Variants in NDUFAF2 observed in about 807,000 individuals in gnomAD.
NDUFAF2 encodes the protein NADH:ubiquinone oxidoreductase complex assembly factor 2, also known as NADH dehydrogenase [ubiquinone] 1 alpha subcomplex assembly factor 2.
In NDUFAF2, 13 loss-of-function variants were observed where a neutral mutation model predicts 22.8. The observed-to-expected ratio is 0.57, with a 90% CI of 0.37 to 0.91. The LOEUF (loss-of-function observed/expected upper bound fraction) is 0.91. NDUFAF2 is among the 40% of genes least tolerant of loss of function. The probability of loss-of-function intolerance (pLI) is 0.01; values close to 1 mark genes in which losing one functional copy is unlikely to be tolerated. For synonymous variants in NDUFAF2, 53 were observed against 64.2 expected (o/e 0.83, Z 0.84); for missense variants, 162 against 195.2 (o/e 0.83, Z 1.01).
intron 3 of NDUFAF2, among the ~76,000 whole-genome samples, chr5:61,101,078 CT>C (rs1270641549): frequency 1.3e-5 from 2 of 152,114 alleles, no homozygotes; most frequent in African/African-American, 4.8e-5. Context: ...ACCACTGTAA[CT>C]TTTACACTCT....
chr5:60,960,260 A>G (rs578118424), intron 1 of NDUFAF2, among the ~76,000 whole-genome samples: 13 of 152,264 alleles, frequency 8.5e-5, no homozygotes, highest in African/African-American at 2.9e-4. Flanking sequence ...TGTCAATAAT[A>G]ACAATAATGA....
intron 1 of NDUFAF2, among the ~76,000 whole-genome samples, chr5:61,039,988 CCTT>C (rs1037028017): frequency 2.0e-5 from 3 of 152,020 alleles, no homozygotes; most frequent in Non-Finnish European, 4.4e-5. Context: ...GACTTTAAAA[CCTT>C]CTTAAGAAGT....
chr5:60,977,562 G>A (rs954494241), intron 1 of NDUFAF2, among the ~76,000 whole-genome samples: 6 of 152,054 alleles, frequency 3.9e-5, no homozygotes, highest in African/African-American at 7.2e-5. Context: ...ACCAGGCCAG[G>A]TGTGGTGGCT....
rs78110464 is a variant in NDUFAF2, at chr5:61,073,390, G to C, written c.217+176G>C. On this transcript the variant is annotated intron_variant, in intron 2 of 3. Transcript: ENST00000296597. ...TTTCTTTGAAAGTTGTGAAGGTGCT[G>C]AATTTTAGTAAGCAGATGCATGTAT... Among the ~76,000 whole-genome samples, 462 of 152,270 alleles carry C rather than the reference G, an allele frequency of 3.0e-3. 1 individual carries two copies. Among genetic ancestry groups the C allele is most frequent in the Non-Finnish European group, 5.0e-3 (343 of 68,018 alleles).
intron 3 of NDUFAF2, among the ~76,000 whole-genome samples, chr5:61,150,222 G>A (rs926405971): frequency 5.9e-5 from 9 of 152,112 alleles, no homozygotes; most frequent in Non-Finnish European, 1.5e-5. Flanking sequence ...ATGAGCCACA[G>A]AACCTGGCCC....
intron 1 of NDUFAF2, among the ~76,000 whole-genome samples, chr5:60,996,482 G>A (rs907592681): frequency 3.3e-4 from 50 of 152,170 alleles, no homozygotes; most frequent in African/African-American, 1.2e-3. Context: ...GGTCTATTTT[G>A]GAGCAGGGAG....
chr5:61,096,749 A>G (rs1752646452), intron 2 of NDUFAF2, among the ~76,000 whole-genome samples: 1 of 152,028 alleles, frequency 6.6e-6, no homozygotes, highest in Non-Finnish European at 1.5e-5. Flanking sequence ...AGATCACTGA[A>G]GGTCAGGAGT....
chr5:60,958,008 C>T (rs375228991), intron 1 of NDUFAF2, among the ~76,000 whole-genome samples: 24 of 152,272 alleles, frequency 1.6e-4, no homozygotes, highest in African/African-American at 5.3e-4. Flanking sequence ...TGCTCTTAGC[C>T]TTGCTCCTCC....
intron 1 of NDUFAF2, among the ~76,000 whole-genome samples, chr5:60,980,301 CAAACT>C (rs1298099348): frequency 1.3e-5 from 2 of 152,176 alleles, no homozygotes; most frequent in Non-Finnish European, 2.9e-5. Flanking sequence ...TCTCACCAAA[CAAACT>C]AAATAAAGCA....
At chr5:61,139,826 A>G (rs1171351990) in intron 3 of NDUFAF2, among the ~76,000 whole-genome samples, 3 of 152,216 alleles carry the variant, frequency 2.0e-5, no homozygotes, top group East Asian at 1.9e-4. Flanking sequence ...CCTTTTAACA[A>G]TTGAATGTTG....
intron 1 of NDUFAF2, among the ~76,000 whole-genome samples, chr5:61,008,139 C>G (rs756897466): frequency 2.6e-5 from 3 of 114,838 alleles, no homozygotes; most frequent in Admixed American, 1.3e-4. Context: ...ACATCACACT[C>G]TGGGGACTGT....
chr5:60,950,438 G>T (rs1209402808), intron 1 of NDUFAF2, among the ~76,000 whole-genome samples: 1 of 152,034 alleles, frequency 6.6e-6, no homozygotes, highest in Admixed American at 6.6e-5. Flanking sequence ...GCCCACCTTG[G>T]CCTCCTAAAG....
chr5:60,979,113 T>C (rs1288152210), intron 1 of NDUFAF2, among the ~76,000 whole-genome samples: 1 of 152,170 alleles, frequency 6.6e-6, no homozygotes, highest in Non-Finnish European at 1.5e-5. Context: ...CAGGATTTAT[T>C]ACTTGCTGAC....
chr5:61,091,743 A>T (rs1199243746), intron 2 of NDUFAF2, among the ~76,000 whole-genome samples: 4 of 151,356 alleles, frequency 2.6e-5, no homozygotes, highest in Non-Finnish European at 3.0e-5. Flanking sequence ...TGTTTTGAGA[A>T]TTGGTGTCTT....
At chr5:61,010,461 C>T (rs1751429254) in intron 1 of NDUFAF2, among the ~76,000 whole-genome samples, 1 of 152,050 alleles carries the variant, frequency 6.6e-6, no homozygotes, top group Non-Finnish European at 1.5e-5. Context: ...TCTCCTCCTT[C>T]TCTCCTTTCT....
At chr5:61,035,446 T>G (rs1751788264) in intron 1 of NDUFAF2, among the ~76,000 whole-genome samples, 1 of 148,482 alleles carries the variant, frequency 6.7e-6, no homozygotes, top group African/African-American at 2.5e-5. Context: ...TTTTTTTTTT[T>G]TTTTTTGGTA....
At chr5:60,978,168 T>C (rs1750927863) in intron 1 of NDUFAF2, among the ~76,000 whole-genome samples, 1 of 152,126 alleles carries the variant, frequency 6.6e-6, no homozygotes, top group Non-Finnish European at 1.5e-5. Flanking sequence ...GGAACTCAGC[T>C]GGTGCCCATT....
intron 1 of NDUFAF2, among the ~76,000 whole-genome samples, chr5:60,957,896 T>G (rs1454563937): frequency 6.6e-6 from 1 of 152,192 alleles, no homozygotes; most frequent in African/African-American, 2.4e-5. Context: ...TTGAAAAACC[T>G]GTATTTTGTG....
chr5:60,975,910 T>A (rs998418535), intron 1 of NDUFAF2, among the ~76,000 whole-genome samples: 8 of 152,228 alleles, frequency 5.3e-5, no homozygotes, highest in Admixed American at 4.6e-4. Context: ...AGGTCATTGA[T>A]AACATTGACA....
Sources: allele counts gnomAD v4.1 joint callset (sites outside exome capture counted in the v4.1 genomes callset), GRCh38; gene constraint gnomAD v4.1.1; transcripts MANE v1.5; gene names NCBI Gene and HGNC (gene_info 2026-07-23, HGNC 2026-07-21).